Variants in LINGO2 observed in about 807,000 individuals in gnomAD.
LINGO2 encodes leucine-rich repeat and immunoglobulin-like domain-containing nogo receptor-interacting protein 2.
LINGO2 carries 14 observed loss-of-function variants against 30.6 expected under a neutral mutation model. The ratio of observed to expected loss-of-function variants is 0.46; its 90% CI spans 0.30 to 0.72. The LOEUF (loss-of-function observed/expected upper bound fraction) is 0.72, where lower values mean the gene tolerates loss of function less well. LINGO2 is among the 30% of genes least tolerant of loss of function. LINGO2 has a pLI of 0.07. For synonymous variants in LINGO2, 317 were observed against 288.5 expected, an observed-to-expected ratio of 1.10 and a Z score of -1.00; for missense variants, 729 against 751.7, an observed-to-expected ratio of 0.97 and a Z score of 0.35.
At chr9:28,250,568 C>T (rs1208775494) in intron 4 of LINGO2, among the ~76,000 whole-genome samples, 1 of 152,164 alleles carries the variant, frequency 6.6e-6, no homozygotes, top group Non-Finnish European at 1.5e-5. Context: ...AATAACTCTG[C>T]TCCAGCTAAA....
intron 4 of LINGO2, among the ~76,000 whole-genome samples, chr9:28,118,882 T>G (rs1349637): frequency 0.99 from 150,655 of 152,186 alleles, 74,592 homozygotes; most frequent in Middle Eastern, 1. Context: ...AAGAAGTCTG[T>G]GGGTTTAATA....
the LINGO2 span, among the ~76,000 whole-genome samples, chr9:29,121,351 T>A: frequency 1.3e-4 from 20 of 152,262 alleles, no homozygotes; most frequent in Middle Eastern, 3.4e-3. Flanking sequence ...CTGCAAATGC[T>A]ATATTTTTAA....
the LINGO2 span, among the ~76,000 whole-genome samples, chr9:28,828,743 G>T: frequency 6.6e-6 from 1 of 152,274 alleles, no homozygotes; most frequent in South Asian, 2.1e-4. Flanking sequence ...AGAAGTATGG[G>T]TCTGAAAATC....
chr9:28,920,071 C>T, the LINGO2 span, among the ~76,000 whole-genome samples: 5 of 151,980 alleles, frequency 3.3e-5, no homozygotes, highest in Admixed American at 1.3e-4. Flanking sequence ...CTAATCATCA[C>T]CCTGTAAATA....
At chr9:28,566,718 A>G (rs1823402192) in intron 1 of LINGO2, among the ~76,000 whole-genome samples, 1 of 152,178 alleles carries the variant, frequency 6.6e-6, no homozygotes, top group South Asian at 2.1e-4. Flanking sequence ...TAACAAATAA[A>G]CAAGTAAAGG....
chr9:29,060,401 C>G, the LINGO2 span, among the ~76,000 whole-genome samples: 1 of 151,986 alleles, frequency 6.6e-6, no homozygotes, highest in Admixed American at 6.6e-5. Flanking sequence ...AAATTGTGCT[C>G]AAAATTTAAC....
At chr9:28,485,043 C>T (rs888477335) in intron 1 of LINGO2, among the ~76,000 whole-genome samples, 1 of 152,070 alleles carries the variant, frequency 6.6e-6, no homozygotes. Context: ...TCTCCATTAT[C>T]AAGTGAAAGC....
chr9:28,279,595 T>A (rs1330419044), intron 4 of LINGO2, among the ~76,000 whole-genome samples: 1 of 152,160 alleles, frequency 6.6e-6, no homozygotes, highest in Non-Finnish European at 1.5e-5. Flanking sequence ...ATGTACATTG[T>A]TTTTAGACAT....
the LINGO2 span, among the ~76,000 whole-genome samples, chr9:28,772,405 G>A: frequency 6.6e-6 from 1 of 152,112 alleles, no homozygotes; most frequent in Non-Finnish European, 1.5e-5. Context: ...TCCCAGAAAG[G>A]AAATTCTGCA....
At chr9:28,104,679 C>G (rs1403739542) in intron 4 of LINGO2, among the ~76,000 whole-genome samples, 1 of 152,000 alleles carries the variant, frequency 6.6e-6, no homozygotes, top group Non-Finnish European at 1.5e-5. Context: ...TTTACTAACT[C>G]TTTCTACTAA....
chr9:28,434,244 T>G (rs972811058), intron 2 of LINGO2, among the ~76,000 whole-genome samples: 2 of 150,620 alleles, frequency 1.3e-5, no homozygotes, highest in African/African-American at 4.9e-5. Flanking sequence ...CTACAAATTG[T>G]GTAGTCAGAA....
intron 4 of LINGO2, among the ~76,000 whole-genome samples, chr9:28,193,053 C>T (rs1819878354): frequency 6.6e-6 from 1 of 152,042 alleles, no homozygotes; most frequent in Non-Finnish European, 1.5e-5. Context: ...TGACATAGTA[C>T]AAATTTAATT....
intron 1 of LINGO2, among the ~76,000 whole-genome samples, chr9:28,549,267 A>C (rs920617392): frequency 6.6e-6 from 1 of 152,128 alleles, no homozygotes; most frequent in African/African-American, 2.4e-5. Context: ...TTTATGAAGC[A>C]ACAACATATT....
intron 2 of LINGO2, among the ~76,000 whole-genome samples, chr9:28,433,949 C>CTCTCTCTCTCTCTCTCTATATATATATA (rs1225323260): frequency 1.1e-5 from 1 of 88,478 alleles, no homozygotes; most frequent in African/African-American, 4.5e-5. Context: ...CTCTCTCTCT[C>CTCTCTCTCTCTCTCTCTATATATATATA]TATATATATA....
intron 1 of LINGO2, among the ~76,000 whole-genome samples, chr9:28,658,360 G>A (rs747566871): frequency 1.3e-5 from 2 of 151,846 alleles, no homozygotes; most frequent in Non-Finnish European, 2.9e-5. Context: ...CTATTATTGT[G>A]GAGCTTTCTA....
intron 1 of LINGO2, among the ~76,000 whole-genome samples, chr9:28,482,125 T>C (rs1459509265): frequency 3.9e-5 from 6 of 152,148 alleles, no homozygotes; most frequent in African/African-American, 1.4e-4. Flanking sequence ...TTATAGTCCT[T>C]TGGGTATATA....
intron 4 of LINGO2, among the ~76,000 whole-genome samples, chr9:28,038,288 C>CT (rs1587743086): frequency 1.3e-5 from 2 of 152,064 alleles, no homozygotes; most frequent in East Asian, 3.9e-4. Flanking sequence ...GAAGGGGCCT[C>CT]TAATGAGAAA....
the LINGO2 span, among the ~76,000 whole-genome samples, chr9:28,861,279 T>C: frequency 9.7e-5 from 12 of 124,272 alleles, no homozygotes; most frequent in African/African-American, 3.1e-4. Flanking sequence ...ATAATATTTA[T>C]ATATTATATA....
chr9:28,993,454 A>T, the LINGO2 span, among the ~76,000 whole-genome samples: 6 of 152,118 alleles, frequency 3.9e-5, no homozygotes, highest in Non-Finnish European at 5.9e-5. Flanking sequence ...GGAACTGGTA[A>T]CATTCCTTCT....
Sources: allele counts gnomAD v4.1 joint callset (sites outside exome capture counted in the v4.1 genomes callset), GRCh38; gene constraint gnomAD v4.1.1; transcripts MANE v1.5; gene names NCBI Gene and HGNC (gene_info 2026-07-23, HGNC 2026-07-21).